The following FIG4 variants were observed in gnomAD, a reference collection of about 807,000 sequenced individuals.
FIG4 encodes the protein polyphosphoinositide phosphatase.
Under a neutral mutation model 118.6 loss-of-function variants are expected in FIG4, and 112 were observed. That is an observed-to-expected ratio of 0.94 (90% CI 0.81 to 1.11). FIG4 has a LOEUF of 1.11. Among genes scored for constraint, FIG4 ranks in the 50% least tolerant of loss-of-function variants. The probability of loss-of-function intolerance (pLI) is 0.00; values close to 1 mark genes in which losing one functional copy is unlikely to be tolerated. For synonymous variants in FIG4, 369 were observed against 381.2 expected (o/e 0.97, Z 0.37); for missense variants, 969 against 1,111.7 (o/e 0.87, Z 1.83).
At chr6:109,754,691 T>G (rs1166828780) in intron 10 of FIG4, among the ~76,000 whole-genome samples, 5 of 152,164 alleles carry the variant, frequency 3.3e-5, no homozygotes, top group South Asian at 2.1e-4. Flanking sequence ...GTCGAGGAAT[T>G]TATCCATTTC....
rs909386898 is a variant in FIG4 at position 109,799,523 on chromosome 6, A to G, written c.2546+2672A>G. Among the ~76,000 whole-genome samples the G allele has an allele frequency of 4.6e-5, 7 of 152,180 alleles. No homozygotes were observed. In the East Asian group the frequency reaches 5.8e-4, roughly 13 times the overall value. On this transcript the variant is annotated intron_variant, in intron 22 of 22. Transcript: ENST00000230124. ...GGATTCTTGAAATTCTCCTCTTGCT[A>G]TGTTTTATTTTCTAGTATATTTAAG...
chr6:109,738,180 G>A (rs1007352073), intron 6 of FIG4, 145 bp from the exon 7 acceptor site: 1 of 695,532 alleles, frequency 1.4e-6, no homozygotes, highest in Admixed American at 2.3e-5. Flanking sequence ...AACCAAGCAT[G>A]TTACTTTGAA....
At chr6:109,772,459 T>A (rs1287266483) in intron 15 of FIG4, among the ~76,000 whole-genome samples, 1 of 152,178 alleles carries the variant, frequency 6.6e-6, no homozygotes, top group East Asian at 1.9e-4. Context: ...TTAGTTTTTT[T>A]GTTTTTTGTT....
intron 14 of FIG4, among the ~76,000 whole-genome samples, chr6:109,765,905 C>G (rs1777265563): frequency 6.6e-6 from 1 of 152,180 alleles, no homozygotes; most frequent in African/African-American, 2.4e-5. Context: ...GCCACACCAA[C>G]AGATATCACT....
At chr6:109,785,373 G>A (rs1188453369) in intron 17 of FIG4, among the ~76,000 whole-genome samples, 4 of 152,034 alleles carry the variant, frequency 2.6e-5, no homozygotes, top group African/African-American at 9.7e-5. Flanking sequence ...GGGAGAATGC[G>A]GAGGAAGTAA....
intron 7 of FIG4, among the ~76,000 whole-genome samples, chr6:109,739,616 C>G (rs1776264282): frequency 6.6e-6 from 1 of 152,070 alleles, no homozygotes; most frequent in Non-Finnish European, 1.5e-5. Flanking sequence ...CTCCAGATCC[C>G]CAGGGTTTCT....
chr6:109,807,287 T>G (rs1280641332), intron 22 of FIG4, among the ~76,000 whole-genome samples: 1 of 152,232 alleles, frequency 6.6e-6, no homozygotes, highest in Non-Finnish European at 1.5e-5. Context: ...TCCTGACTTT[T>G]AAATGATCAC....
At chr6:109,706,358 A>T (rs910157423) in intron 1 of FIG4, among the ~76,000 whole-genome samples, 1 of 152,194 alleles carries the variant, frequency 6.6e-6, no homozygotes, top group African/African-American at 2.4e-5. Flanking sequence ...AATCAGGACA[A>T]CACCAGCCTG....
chr6:109,766,831 A>G lies in FIG4; in HGVS notation c.1686A>G (p.Pro562=), dbSNP rs1399206818. The G allele has an allele frequency of 3.7e-6, 6 of 1,613,998 alleles. No individual in the cohort carries two copies. Among genetic ancestry groups the G allele is most frequent in the South Asian group, 2.2e-5 (2 of 91,090 alleles). The part of the protein sequence containing the change: ...HRVKTYRKIA[P]WTQHSKDIMQ... ...TGAAAACCTACAGAAAGATAGCACC[A>G]TGGACCCAGCACTCCAAAGACATCA... is the stretch of plus-strand genomic sequence containing the variant. The change falls in exon 15 of 23, where the codon CCA becomes CCG. Residue 562 remains proline, a synonymous_variant. Transcript: ENST00000230124.
chr6:109,743,557 A>G (rs1776390128), intron 9 of FIG4, 118 bp from the exon 10 acceptor site: 1 of 774,416 alleles, frequency 1.3e-6, no homozygotes, highest in African/African-American at 1.7e-5. Context: ...AGGATTTGGG[A>G]AGTGAAACTA....
At position 109,786,433 on chromosome 6, in the gene FIG4, A is replaced by C. The variant is rs143531641; in HGVS notation, c.2080A>C (p.Met694Leu). 3 of 1,613,924 alleles carry C rather than the reference A, an allele frequency of 1.9e-6. No homozygotes were observed. Among genetic ancestry groups the C allele is most frequent in the Non-Finnish European group, 8.5e-7 (1 of 1,179,808 alleles). The change falls in exon 18 of 23, where the codon ATG becomes CTG. Residue 694 changes from methionine to leucine, a missense_variant. By Grantham distance (15) the Met-to-Leu change is conservative. Coordinates refer to ENST00000230124, the MANE Select transcript of FIG4 (RefSeq NM_014845.6). ...CTTTGATGATACCTTTTGCTTGGCT[A>C]TGACAAGCTCAGCACGGTATGTTGT... is the stretch of plus-strand genomic sequence containing the variant. ...SSFDDTFCLA[M>L]TSSARDFMPK...
At chr6:109,746,612 G>T (rs1009126975) in intron 10 of FIG4, among the ~76,000 whole-genome samples, 1 of 152,088 alleles carries the variant, frequency 6.6e-6, no homozygotes, top group Non-Finnish European at 1.5e-5. Context: ...TAAAGAGATG[G>T]TTATGGCCAG....
chr6:109,800,959 G>A (rs551996317), intron 22 of FIG4, among the ~76,000 whole-genome samples: 1 of 152,270 alleles, frequency 6.6e-6, no homozygotes, highest in East Asian at 1.9e-4. Flanking sequence ...TGCCTGGCAG[G>A]CAGGTGCTGT....
chr6:109,712,959 G>T (rs951182463), intron 1 of FIG4, among the ~76,000 whole-genome samples: 1 of 152,074 alleles, frequency 6.6e-6, no homozygotes, highest in Non-Finnish European at 1.5e-5. Context: ...GGGATCAGGT[G>T]GATTCAGTCG....
chr6:109,743,898 C>T, intron 10 of FIG4, 126 bp downstream of exon 10: 1 of 762,102 alleles, frequency 1.3e-6, no homozygotes, highest in South Asian at 1.4e-5. Context: ...GATTATTATG[C>T]TGGGACAGCT....
intron 3 of FIG4, among the ~76,000 whole-genome samples, chr6:109,724,344 A>T (rs569494479): frequency 2.1e-4 from 32 of 152,258 alleles, no homozygotes; most frequent in African/African-American, 7.7e-4. Flanking sequence ...AGATACTTAG[A>T]TTTTTATCTT....
At chr6:109,724,618 A>C (rs1469217965) in intron 3 of FIG4, among the ~76,000 whole-genome samples, 1 of 152,148 alleles carries the variant, frequency 6.6e-6, no homozygotes, top group Non-Finnish European at 1.5e-5. Flanking sequence ...GCCACTGTGC[A>C]TGGTATAATT....
intron 10 of FIG4, among the ~76,000 whole-genome samples, chr6:109,749,444 A>T (rs1268098985): frequency 6.6e-6 from 1 of 152,044 alleles, no homozygotes; most frequent in Non-Finnish European, 1.5e-5. Context: ...ATGCTCATGG[A>T]CAGTTTTCCA....
intron 5 of FIG4, among the ~76,000 whole-genome samples, chr6:109,733,415 CAG>C (rs1776068199): frequency 6.6e-6 from 1 of 152,006 alleles, no homozygotes; most frequent in Non-Finnish European, 1.5e-5. Flanking sequence ...AAAATTCTAT[CAG>C]CTATAATATC....
Sources: allele counts gnomAD v4.1 joint callset (sites outside exome capture counted in the v4.1 genomes callset), GRCh38; gene constraint gnomAD v4.1.1; transcripts MANE v1.5; gene names NCBI Gene and HGNC (gene_info 2026-07-23, HGNC 2026-07-21).